SYT7: variants seen among roughly 807,000 people sequenced by gnomAD.
The protein encoded by SYT7 is synaptotagmin 7.
SYT7 carries 29 observed loss-of-function variants against 75.1 expected under a neutral mutation model. The observed-to-expected ratio is 0.39, with a 90% CI of 0.29 to 0.53. SYT7 has a LOEUF of 0.53. Ranked by LOEUF, SYT7 falls within the 20% of genes least tolerant of loss-of-function variation. The probability of loss-of-function intolerance (pLI) is 0.77; values close to 1 mark genes in which losing one functional copy is unlikely to be tolerated. For missense variants in SYT7, 693 were observed against 953.2 expected (o/e 0.73, Z 3.59); for synonymous variants, 376 against 401.7 (o/e 0.94, Z 0.76).
At chr11:61,554,364 C>G (rs1239557853) in intron 2 of SYT7, among the ~76,000 whole-genome samples, 1 of 152,060 alleles carries the variant, frequency 6.6e-6, no homozygotes, top group Non-Finnish European at 1.5e-5. Context: ...GGGGCAGACC[C>G]CAGCATTGAC....
chr11:61,530,727 G>A, intron 8 of SYT7: 1 of 903,808 alleles, frequency 1.1e-6, no homozygotes, highest in Non-Finnish European at 1.3e-6. Flanking sequence ...CTGCCAAACA[G>A]TGTGGTCTTG....
At chr11:61,549,777 G>A (rs1330825134) in intron 3 of SYT7, among the ~76,000 whole-genome samples, 3 of 152,202 alleles carry the variant, frequency 2.0e-5, no homozygotes, top group Admixed American at 6.5e-5. Context: ...CTGGACGGCC[G>A]CTGCTGCCTC....
In SYT7 at chr11:61,542,412, T is replaced by G; in HGVS notation, c.740A>C (p.Gln247Pro). Residue 247 changes from glutamine (Q) to proline (P), a missense_variant, in exon 6 of 13, where the codon CAG becomes CCG. Gln to Pro is a moderately conservative substitution (Grantham distance 76, BLOSUM62 -1). Around this residue, in one of 2 missense-constraint regions of SYT7, gnomAD observed 487 missense variants for 593.2 expected, o/e 0.82. Transcript: ENST00000539008. This position sits in a 1 kb window ranked among gnomAD's most constrained non-coding sequence, Gnocchi z 7.8. ...GRQPSQPTTS[Q>P]SLGQLQAHMA... Reference sequence around the variant, plus strand: ...GTGGGCCTGCAGCTGGCCCAGGCTCTGGCTGGTGGTGGGCTGGCTGGGCTG... The same window carrying G: ...GTGGGCCTGCAGCTGGCCCAGGCTCGGGCTGGTGGTGGGCTGGCTGGGCTG... 6.5e-7 allele frequency: 1 copy of G among 1,532,414 alleles called. No individual in the cohort carries two copies. The highest frequency in any genetic ancestry group is 2.2e-4 in the Middle Eastern group (1 of 4,596). The allele number at this position is 1,532,414 out of a possible 1,614,324, so 94.9% of individuals were successfully genotyped here.
At position 61,524,291 on chromosome 11, in the gene SYT7, A is replaced by G; in HGVS notation, c.1641+72T>C. 5.7e-6 allele frequency: 9 copies of G among 1,570,562 alleles called. No individual in the cohort carries two copies. Among genetic ancestry groups the G allele is most frequent in the Non-Finnish European group, 7.8e-6 (9 of 1,155,316 alleles). On this transcript the variant is annotated intron_variant, in intron 10 of 12. Coordinates refer to ENST00000539008, the MANE Select transcript of SYT7 (RefSeq NM_001365809.2). The surrounding 1 kb of genome is among the most constrained non-coding windows in gnomAD (Gnocchi z 4.1). Reference sequence around the variant, plus strand: ...CCCTCCTGGCCTTCCTAAGGTTGACAAGGGTCTGGGACCAGATCTCCCAGC... The same window carrying G: ...CCCTCCTGGCCTTCCTAAGGTTGACGAGGGTCTGGGACCAGATCTCCCAGC...
intron 3 of SYT7, among the ~76,000 whole-genome samples, chr11:61,549,302 G>C (rs1218498570): frequency 6.6e-6 from 1 of 152,154 alleles, no homozygotes; most frequent in Non-Finnish European, 1.5e-5. Flanking sequence ...AAAGAAATTT[G>C]GGAAACACTG....
Position 61,518,692 on chromosome 11 carries a change from G to A in SYT7, c.1996C>T (p.His666Tyr), listed in dbSNP as rs2135011958. ...GGACGGGCAATCATGTCCTTCCAGTGCTTCACCTCCCCTGGCCCGCTCTTC... is the reference window on the plus strand; with the variant it reads ...GGACGGGCAATCATGTCCTTCCAGTACTTCACCTCCCCTGGCCCGCTCTTC... ...SWKSGPGEVKHWKDMIARPRQ... is the reference protein window; with the variant it reads ...SWKSGPGEVKYWKDMIARPRQ... The change falls in exon 13 of 13, where the codon CAC (histidine) becomes TAC (tyrosine). Residue 666 changes from histidine to tyrosine, a missense_variant. Transcript: ENST00000539008. 1 of 1,550,326 alleles carries A rather than the reference G, an allele frequency of 6.5e-7. No homozygotes were observed. The highest frequency in any genetic ancestry group is 1.2e-5 in the South Asian group (1 of 83,886).
At chr11:61,522,648 C>T (rs568899538) in intron 12 of SYT7, among the ~76,000 whole-genome samples, 3 of 152,308 alleles carry the variant, frequency 2.0e-5, no homozygotes, top group East Asian at 3.9e-4. Context: ...TGTTTATCGG[C>T]AGATGGAGTG....
intron 2 of SYT7, among the ~76,000 whole-genome samples, chr11:61,554,551 C>T (rs898831489): frequency 1.3e-5 from 2 of 152,178 alleles, no homozygotes; most frequent in Admixed American, 6.5e-5. Flanking sequence ...TCGCCATCAG[C>T]GCCTGCTCAT....
intron 2 of SYT7, 65 bp downstream of exon 2, chr11:61,556,039 T>C: frequency 7.2e-7 from 1 of 1,380,018 alleles, no homozygotes; most frequent in Non-Finnish European, 1.0e-6. Context: ...TGTGTGTGTG[T>C]GTGGGGAGGG....
intron 1 of SYT7, among the ~76,000 whole-genome samples, chr11:61,568,007 T>G (rs2135411383): frequency 6.6e-6 from 1 of 152,304 alleles, no homozygotes; most frequent in South Asian, 2.1e-4. Flanking sequence ...AAGGCTTGTT[T>G]AAACAAACAC....
At chr11:61,547,928 C>G (rs1243162426) in intron 3 of SYT7, among the ~76,000 whole-genome samples, 1 of 152,238 alleles carries the variant, frequency 6.6e-6, no homozygotes, top group Non-Finnish European at 1.5e-5. Context: ...CACTGAGGCC[C>G]TCCTGGGGCA....
intron 2 of SYT7, among the ~76,000 whole-genome samples, chr11:61,554,532 C>T (rs1005486252): frequency 9.2e-5 from 14 of 152,182 alleles, no homozygotes; most frequent in Admixed American, 7.2e-4. Context: ...ATGGAACACA[C>T]ACACAAGGTC....
At chr11:61,529,079 AC>A (rs940542110) in intron 8 of SYT7, among the ~76,000 whole-genome samples, 1 of 150,884 alleles carries the variant, frequency 6.6e-6, no homozygotes, top group African/African-American at 2.4e-5. Flanking sequence ...AACCCTACCC[AC>A]CCCCCAGCCG....
chr11:61,566,006 C>T (rs999398079), intron 1 of SYT7, among the ~76,000 whole-genome samples: 8 of 152,248 alleles, frequency 5.3e-5, no homozygotes, highest in African/African-American at 1.9e-4. Flanking sequence ...GGCCAGCAGC[C>T]GTTCCGGCAA....
chr11:61,553,724 C>T lies in SYT7; in HGVS notation c.136-2261G>A, dbSNP rs2063416033. On this transcript the variant is annotated intron_variant, in intron 2 of 12. Transcript: ENST00000539008. This position sits in a 1 kb window ranked among gnomAD's most constrained non-coding sequence, Gnocchi z 5.2. ...AAAGCAGCCCAACACCACCAGCCTGCTTCTCAGGGAGGGGTGGCCAGGCTG... is the reference window on the plus strand; with the variant it reads ...AAAGCAGCCCAACACCACCAGCCTGTTTCTCAGGGAGGGGTGGCCAGGCTG... Among the ~76,000 whole-genome samples the T allele has an allele frequency of 6.6e-6, 1 of 152,250 alleles. No individual in the cohort carries two copies. Among genetic ancestry groups the T allele is most frequent in the South Asian group, 2.1e-4 (1 of 4,836 alleles).
intron 8 of SYT7, 54 bp downstream of exon 8, chr11:61,532,935 C>A: frequency 6.2e-7 from 1 of 1,602,216 alleles, no homozygotes; most frequent in African/African-American, 1.3e-5. Flanking sequence ...CTTCTTCCTG[C>A]CCCTGGCCTC....
chr11:61,585,245 T>C (rs1740716811), upstream of SYT7, among the ~76,000 whole-genome samples: 1 of 152,144 alleles, frequency 6.6e-6, no homozygotes, highest in African/African-American at 2.4e-5. Context: ...CCCACAGTCC[T>C]TTCCCCCTAC....
intron 7 of SYT7, chr11:61,533,459 C>G: frequency 1.0e-6 from 1 of 985,404 alleles, no homozygotes. Flanking sequence ...TGGCCACTGC[C>G]CCCAGTCCTC....
Position 61,572,116 on chromosome 11 carries a change from TGG to T in SYT7, c.31+8672_31+8673del, listed in dbSNP as rs79273038. 3.8e-3 allele frequency among the ~76,000 whole-genome samples: 556 copies of T among 146,258 alleles called. 2 individuals carry two copies. Among genetic ancestry groups the T allele is most frequent in the Middle Eastern group, 7.0e-3 (2 of 286 alleles). On this transcript the variant is annotated intron_variant, in intron 1 of 12. Coordinates refer to ENST00000539008, the MANE Select transcript of SYT7 (RefSeq NM_001365809.2). ...GGGGCTGGAGAGGGAGGAATGAGGTTGGGGGGGGGGCACACAGACAATTCATC... is the reference window on the plus strand; with the variant it reads ...GGGGCTGGAGAGGGAGGAATGAGGTTGGGGGGGGCACACAGACAATTCATC...
Sources: allele counts gnomAD v4.1 joint callset (sites outside exome capture counted in the v4.1 genomes callset), GRCh38; gene constraint gnomAD v4.1.1; regional missense constraint gnomAD v4.1.1; non-coding constraint Gnocchi (gnomAD v3.1); transcripts MANE v1.5; gene names NCBI Gene and HGNC (gene_info 2026-07-23, HGNC 2026-07-21).